Variants in TUSC3 observed in about 807,000 individuals in gnomAD.
The protein encoded by TUSC3 is tumor suppressor candidate 3, also known as dolichyl-diphosphooligosaccharide--protein glycosyltransferase subunit TUSC3.
A neutral mutation model predicts 44.8 loss-of-function variants in TUSC3; 45 were observed. The observed-to-expected ratio is 1.00, with a 90% CI of 0.79 to 1.29. The LOEUF is 1.29. TUSC3 is among the 50% of genes most tolerant of loss of function. The pLI, the probability that TUSC3 is intolerant of heterozygous loss-of-function variation, is 0.00. For synonymous variants in TUSC3, 212 were observed against 152.9 expected (o/e 1.39, Z -2.85); for missense variants, 519 against 437.9 (o/e 1.19, Z -1.65).
At chr8:15,650,954 C>T in intron 3 of TUSC3, 140 bp downstream of exon 3, 1 of 756,156 alleles carries the variant, frequency 1.3e-6, no homozygotes, top group Middle Eastern at 3.7e-4. Context: ...TGTGCCACTG[C>T]ATTCCAGGTG....
Position 15,520,816 on chromosome 8 carries a change from C to G in TUSC3, n.189+37333C>G, listed in dbSNP as rs115763597. On this transcript the variant is annotated intron_variant and non_coding_transcript_variant, in intron 2 of 5. Coordinates refer to the TUSC3 transcript ENST00000503191. ...AGTAAGGTTTTTCTGTGTTCTAGTT[C>G]AAGGGGATGCAGAAATGAGTAAATT... Among the ~76,000 whole-genome samples the G allele has an allele frequency of 1.0e-3, 158 of 152,242 alleles. 1 individual carries two copies. Among genetic ancestry groups the G allele is most frequent in the African/African-American group, 3.7e-3 (154 of 41,532 alleles).
intron 1 of TUSC3, among the ~76,000 whole-genome samples, chr8:15,618,757 A>G (rs1046369864): frequency 3.3e-5 from 5 of 152,322 alleles, no homozygotes; most frequent in Middle Eastern, 3.4e-3. Flanking sequence ...ACGTAATTGC[A>G]TGTGCTGTGT....
chr8:15,439,377 G>T (rs889404447), intron 1 of TUSC3, among the ~76,000 whole-genome samples: 1 of 152,134 alleles, frequency 6.6e-6, no homozygotes, highest in Non-Finnish European at 1.5e-5. Context: ...ACCAGCCTGG[G>T]CAACACAGTG....
At chr8:15,807,410 T>C in the TUSC3 span, 1 of 240,116 alleles carries the variant, frequency 4.2e-6, no homozygotes, top group Non-Finnish European at 8.0e-6. Context: ...ACACTGTTGG[T>C]GGGAATGTAA....
chr8:15,773,565 C>G, the TUSC3 span, among the ~76,000 whole-genome samples: 1 of 152,072 alleles, frequency 6.6e-6, no homozygotes, highest in Non-Finnish European at 1.5e-5. Context: ...AATCCAGTGG[C>G]CTTTTTGCAA....
chr8:15,698,356 C>G (rs1033978313), intron 6 of TUSC3, among the ~76,000 whole-genome samples: 1 of 152,176 alleles, frequency 6.6e-6, no homozygotes, highest in Non-Finnish European at 1.5e-5. Context: ...TTTACAATTT[C>G]TTTCAGTAAA....
At chr8:15,476,239 T>A (rs1010103576) in intron 1 of TUSC3, among the ~76,000 whole-genome samples, 17 of 152,176 alleles carry the variant, frequency 1.1e-4, no homozygotes, top group Admixed American at 6.5e-5. Context: ...CTGAGTAGGA[T>A]GAAAAAATAG....
At chr8:15,511,604 T>A (rs1325787614) in intron 2 of TUSC3, among the ~76,000 whole-genome samples, 1 of 152,168 alleles carries the variant, frequency 6.6e-6, no homozygotes, top group African/African-American at 2.4e-5. Flanking sequence ...GTGCAGTAGC[T>A]CACGCCTGTA....
chr8:15,718,480 C>T (rs1422993656), intron 6 of TUSC3, among the ~76,000 whole-genome samples: 1 of 152,006 alleles, frequency 6.6e-6, no homozygotes, highest in African/African-American at 2.4e-5. Flanking sequence ...GATATCAAGT[C>T]AAAATGTAGT....
At chr8:15,616,740 G>C (rs148379500) in intron 1 of TUSC3, among the ~76,000 whole-genome samples, 958 of 152,314 alleles carry the variant, frequency 6.3e-3, no homozygotes, top group Middle Eastern at 0.014. Flanking sequence ...GAGACTCCCT[G>C]AGCAAGAGCC....
intron 6 of TUSC3, among the ~76,000 whole-genome samples, chr8:15,722,815 A>T (rs1437895212): frequency 2.2e-5 from 3 of 138,210 alleles, no homozygotes; most frequent in African/African-American, 5.2e-5. Context: ...ATTTGTTATT[A>T]AAAAAACTGT....
In TUSC3 at chr8:15,449,956, C is replaced by T. The variant is rs187421646; in HGVS notation, n.91+32651C>T. ...GCTGTACAGCTTTGTAGCCTAGGAG[C>T]GATAGGCTAGGCTATACCACATAGC... On this transcript the variant is annotated intron_variant and non_coding_transcript_variant, in intron 1 of 5. Transcript: ENST00000503191. 1.9e-3 allele frequency among the ~76,000 whole-genome samples: 284 copies of T among 152,080 alleles called. 1 individual carries two copies. The highest frequency in any genetic ancestry group is 6.4e-3 in the African/African-American group (265 of 41,474).
chr8:15,481,915 ACT>A (rs1305300858), intron 1 of TUSC3, among the ~76,000 whole-genome samples: 1 of 152,022 alleles, frequency 6.6e-6, no homozygotes, highest in African/African-American at 2.4e-5. Flanking sequence ...CCATTGATTG[ACT>A]CTCATGAAAG....
chr8:15,609,333 C>G (rs1410829219), intron 1 of TUSC3, among the ~76,000 whole-genome samples: 1 of 152,078 alleles, frequency 6.6e-6, no homozygotes, highest in Non-Finnish European at 1.5e-5. Context: ...AATAGAGTAC[C>G]TGCTATACTC....
At chr8:15,581,673 G>C (rs1456322654) in intron 1 of TUSC3, among the ~76,000 whole-genome samples, 7 of 148,584 alleles carry the variant, frequency 4.7e-5, no homozygotes, top group Non-Finnish European at 1.0e-4. Context: ...CAGTCTGCCC[G>C]TTCTCAGATC....
the TUSC3 span, among the ~76,000 whole-genome samples, chr8:15,773,427 C>T: frequency 2.0e-5 from 3 of 151,698 alleles, no homozygotes; most frequent in Non-Finnish European, 4.4e-5. Context: ...AAATACAAAA[C>T]ATTGCTGAAA....
chr8:15,806,942 C>T, the TUSC3 span: 1 of 1,454,988 alleles, frequency 6.9e-7, no homozygotes. Context: ...TCTTCTCTGA[C>T]ATAACTCTCG....
chr8:15,424,710 C>A (rs958434463), intron 1 of TUSC3, among the ~76,000 whole-genome samples: 1 of 152,042 alleles, frequency 6.6e-6, no homozygotes, highest in Non-Finnish European at 1.5e-5. Flanking sequence ...GAAACCCCGT[C>A]TCTACTAAAA....
chr8:15,450,142 AGT>A (rs879527580), intron 1 of TUSC3, among the ~76,000 whole-genome samples: 5 of 152,224 alleles, frequency 3.3e-5, no homozygotes, highest in Non-Finnish European at 7.3e-5. Context: ...GTATAAAAAA[AGT>A]GTGAGAGGCT....
Sources: gnomAD v4.1 joint callset for allele counts (sites outside exome capture counted in the v4.1 genomes callset) on GRCh38, gnomAD v4.1.1 for gene constraint, MANE v1.5 for transcripts, NCBI Gene and HGNC (gene_info 2026-07-23, HGNC 2026-07-21) for gene names.